Variants in CBLN2 observed in about 807,000 individuals in gnomAD.
CBLN2 encodes the protein cerebellin 2 precursor.
A neutral mutation model predicts 15.0 loss-of-function variants in CBLN2; 7 were observed. The observed-to-expected ratio is 0.47, with a 90% CI of 0.27 to 0.88. CBLN2 has a LOEUF of 0.88. Ranked by LOEUF, CBLN2 falls within the 40% of genes least tolerant of loss-of-function variation. The pLI is 0.14. For synonymous variants in CBLN2, 149 were observed against 135.2 expected, an observed-to-expected ratio of 1.10 and a Z score of -0.71; for missense variants, 242 against 304.5, an observed-to-expected ratio of 0.79 and a Z score of 1.53.
intron 1 of CBLN2, among the ~76,000 whole-genome samples, chr18:72,597,434 G>C (rs534884669): frequency 2.6e-5 from 4 of 152,158 alleles, no homozygotes; most frequent in African/African-American, 9.7e-5. Flanking sequence ...AGCTGAGCTC[G>C]GGATGGCACA....
intron 1 of CBLN2, among the ~76,000 whole-genome samples, chr18:72,596,874 A>G (rs2069517208): frequency 6.6e-6 from 1 of 152,132 alleles, no homozygotes. Context: ...TGGAATATGA[A>G]TAGCAAATGC....
Position 72,567,505 on chromosome 18 carries a change from C to T in CBLN2, c.16-28733G>A, listed in dbSNP as rs78422675. The stretch of plus-strand genomic sequence containing the variant: ...TTTCTCTCTCAGGCATGTCCATACA[C>T]ATACTCAAGCACGTTAGCTGATACC... On this transcript the variant is annotated intron_variant, in intron 1 of 2. Transcript: ENST00000581073. Among the ~76,000 whole-genome samples the T allele has an allele frequency of 7.4e-3, 1,132 of 152,268 alleles. 18 individuals are homozygous for T. Among genetic ancestry groups the T allele is most frequent in the East Asian group, 0.038 (195 of 5,182 alleles).
chr18:72,580,607 C>T (rs1438322018), intron 1 of CBLN2, among the ~76,000 whole-genome samples: 1 of 151,930 alleles, frequency 6.6e-6, no homozygotes, highest in Non-Finnish European at 1.5e-5. Context: ...ATACATTTTG[C>T]CTTTCATCAT....
intron 1 of CBLN2, among the ~76,000 whole-genome samples, chr18:72,601,609 CA>C (rs2069548696): frequency 6.6e-6 from 1 of 152,146 alleles, no homozygotes; most frequent in South Asian, 2.1e-4. Flanking sequence ...AAAATTCCAC[CA>C]GGGCGTGGGC....
intron 1 of CBLN2, among the ~76,000 whole-genome samples, chr18:72,608,283 G>A (rs1312157741): frequency 1.3e-5 from 2 of 152,060 alleles, no homozygotes; most frequent in African/African-American, 4.8e-5. Flanking sequence ...TTCTCCTGGG[G>A]GGATAAGTGC....
At chr18:72,570,899 G>T (rs1304621631) in intron 1 of CBLN2, among the ~76,000 whole-genome samples, 1 of 151,942 alleles carries the variant, frequency 6.6e-6, no homozygotes, top group Admixed American at 6.6e-5. Flanking sequence ...TGATTTGAGG[G>T]TCATGAACAA....
intron 1 of CBLN2, among the ~76,000 whole-genome samples, chr18:72,583,789 G>A (rs950463557): frequency 6.6e-6 from 1 of 152,134 alleles, no homozygotes; most frequent in Non-Finnish European, 1.5e-5. Flanking sequence ...TTTGCTACAT[G>A]TTAGAATCAT....
chr18:72,604,549 G>T (rs1339013241), intron 1 of CBLN2, among the ~76,000 whole-genome samples: 1 of 152,194 alleles, frequency 6.6e-6, no homozygotes, highest in African/African-American at 2.4e-5. Context: ...CAAAACTCGT[G>T]TTGAAATTTA....
In CBLN2 at chr18:72,543,112, A is replaced by G. The variant is rs903116618; in HGVS notation, c.-167+374T>C. The stretch of plus-strand genomic sequence containing the variant: ...ATTCTCCAGCTCTGGTTTCCAGACC[A>G]CGGGGATTCTCTCTTTCTCAGCGGG... On this transcript the variant is annotated intron_variant, in intron 2 of 4. Coordinates refer to ENST00000269503, the MANE Select transcript of CBLN2 (RefSeq NM_182511.4). The surrounding 1 kb of genome is among the most constrained non-coding windows in gnomAD (Gnocchi z 6.8). The G allele has an allele frequency of 1.6e-5, 3 of 184,898 alleles. No homozygotes were observed. The highest frequency in any genetic ancestry group is 3.4e-5 in the Non-Finnish European group (3 of 89,534). The allele number at this position is 184,898 out of a possible 1,614,324, so 11.5% of individuals were successfully genotyped here.
intron 1 of CBLN2, among the ~76,000 whole-genome samples, chr18:72,592,246 G>A (rs2069484454): frequency 6.6e-6 from 1 of 151,916 alleles, no homozygotes; most frequent in Non-Finnish European, 1.5e-5. Context: ...TTTCTCTGAT[G>A]ATCAGTGATG....
intron 1 of CBLN2, chr18:72,638,266 C>A: frequency 2.5e-6 from 1 of 398,486 alleles, no homozygotes; most frequent in East Asian, 3.6e-5. Context: ...TCTTTGGGAG[C>A]TGACCTTTGC....
At chr18:72,563,756 G>C (rs2069276544) in intron 1 of CBLN2, among the ~76,000 whole-genome samples, 1 of 152,182 alleles carries the variant, frequency 6.6e-6, no homozygotes, top group African/African-American at 2.4e-5. Context: ...CACATGAACA[G>C]AGTCCAGCAA....
At chr18:72,618,981 C>T in intron 1 of CBLN2, 3 of 759,396 alleles carry the variant, frequency 4.0e-6, no homozygotes, top group Non-Finnish European at 4.7e-6. Flanking sequence ...GATATGGTGG[C>T]AGCGGGGATG....
chr18:72,606,886 T>C (rs141818568), intron 1 of CBLN2, among the ~76,000 whole-genome samples: 1 of 152,352 alleles, frequency 6.6e-6, no homozygotes, highest in East Asian at 1.9e-4. Flanking sequence ...GATGAGGCCA[T>C]GGATTGCGCT....
chr18:72,604,732 A>G (rs776199696), intron 1 of CBLN2, among the ~76,000 whole-genome samples: 1 of 152,366 alleles, frequency 6.6e-6, no homozygotes, highest in South Asian at 2.1e-4. Flanking sequence ...AACCTGAGCT[A>G]GCATTCTCAG....
chr18:72,572,211 T>A (rs2069336922), intron 1 of CBLN2, among the ~76,000 whole-genome samples: 1 of 152,154 alleles, frequency 6.6e-6, no homozygotes, highest in Non-Finnish European at 1.5e-5. Flanking sequence ...TCAACTGAGA[T>A]TTTCCATTTA....
At chr18:72,638,433 C>T (rs762238696) in exon 1 of CBLN2, 6 of 397,922 alleles carry the variant, frequency 1.5e-5, no homozygotes, top group Non-Finnish European at 2.2e-5. Flanking sequence ...TCTAATTTCA[C>T]TTAGGATCTA....
At chr18:72,615,184 T>TTATA (rs962096022) in intron 1 of CBLN2, among the ~76,000 whole-genome samples, 1 of 133,236 alleles carries the variant, frequency 7.5e-6, no homozygotes, top group Non-Finnish European at 1.6e-5. Context: ...TATTTATATA[T>TTATA]TATATATAAA....
intron 1 of CBLN2, among the ~76,000 whole-genome samples, chr18:72,572,766 T>C (rs1367290862): frequency 3.9e-5 from 6 of 152,102 alleles, no homozygotes. Context: ...TAAGAGAGCT[T>C]CGTGAATAGA....
Sources: allele counts gnomAD v4.1 joint callset (sites outside exome capture counted in the v4.1 genomes callset), GRCh38; gene constraint gnomAD v4.1.1; non-coding constraint Gnocchi (gnomAD v3.1); transcripts MANE v1.5; gene names NCBI Gene and HGNC (gene_info 2026-07-23, HGNC 2026-07-21).